SOS2: variants seen among roughly 807,000 people sequenced by gnomAD.
SOS2 encodes the protein son of sevenless homolog 2.
A neutral mutation model predicts 148.2 loss-of-function variants in SOS2; 65 were observed. That is an observed-to-expected ratio of 0.44 (90% CI 0.36 to 0.54). The LOEUF is 0.54. Among genes scored for constraint, SOS2 ranks in the 20% least tolerant of loss-of-function variants. SOS2 has a pLI of 0.00. For synonymous variants in SOS2, 539 were observed against 537.1 expected (o/e 1.00, Z -0.05); for missense variants, 1,341 against 1,590.2 (o/e 0.84, Z 2.67).
At chr14:50,150,863 T>C (rs2139597766) in intron 13 of SOS2, among the ~76,000 whole-genome samples, 1 of 152,178 alleles carries the variant, frequency 6.6e-6, no homozygotes. Flanking sequence ...GCTAGGATTA[T>C]AGGTGCACAC....
At chr14:50,174,014 C>T (rs576089429) in intron 8 of SOS2, among the ~76,000 whole-genome samples, 2 of 152,140 alleles carry the variant, frequency 1.3e-5, no homozygotes, top group East Asian at 3.9e-4. Context: ...AAAATCCTTG[C>T]TACTAGGTCT....
chr14:50,200,808 G>A lies in SOS2; in HGVS notation c.345+145C>T, dbSNP rs6572648. ...TCATTTTGTATACATATTAATATAT[G>A]CGATGTGTATGTACAAGCATACATA... On this transcript the variant is annotated intron_variant, in intron 3 of 22. Coordinates refer to ENST00000216373, the MANE Select transcript of SOS2 (RefSeq NM_006939.4). 534,851 of 610,406 alleles carry A rather than the reference G, an allele frequency of 0.88. 234,919 individuals carry two copies. The highest frequency in any genetic ancestry group is 0.92 in the East Asian group (32,423 of 35,242). 37.8% of individuals were successfully genotyped at this position (610,406 alleles called of 1,614,324 possible).
At position 50,188,575 on chromosome 14, in the gene SOS2, C is replaced by G; in HGVS notation, c.636G>C (p.Gln212His). The change falls in exon 5 of 23, where the codon CAG (glutamine) becomes CAC (histidine). Residue 212 changes from glutamine to histidine, a missense_variant. By Grantham distance (24) the Gln-to-His change is conservative (BLOSUM62 0). Transcript: ENST00000216373. ...TGATCATATTTAATTCCCGTAGATA[C>G]TGTCTTTCTTCTGCGATTTCAGTTC... ...LVRTEIAEER[Q>H]YLRELNMIIK... The G allele has an allele frequency of 6.2e-7, 1 of 1,607,562 alleles. No individual in the cohort carries two copies. The highest frequency in any genetic ancestry group is 1.1e-5 in the South Asian group (1 of 89,990).
intron 19 of SOS2, among the ~76,000 whole-genome samples, chr14:50,131,866 A>G (rs1594959608): frequency 6.6e-6 from 1 of 152,168 alleles, no homozygotes; most frequent in African/African-American, 2.4e-5. Context: ...TGAGGAAAAA[A>G]TCTCATTCCT....
In SOS2 at chr14:50,125,866, T is replaced by C. The variant is rs142264992; in HGVS notation, c.3379+4095A>G. ...AATCTAAACCCCAGACTTGGGATAC[T>C]AGTCTGAGCTGAAAACACAGATATC... On this transcript the variant is annotated intron_variant, in intron 21 of 22. Coordinates refer to ENST00000216373, the MANE Select transcript of SOS2 (RefSeq NM_006939.4). 1.5e-4 allele frequency among the ~76,000 whole-genome samples: 23 copies of C among 152,336 alleles called. No individual in the cohort carries two copies. In the East Asian group the frequency reaches 4.2e-3, roughly 28 times the overall value.
intron 16 of SOS2, among the ~76,000 whole-genome samples, chr14:50,141,203 CAAAAAAAAAA>C (rs71118844): frequency 2.6e-4 from 8 of 30,586 alleles, no homozygotes; most frequent in Admixed American, 6.3e-4. Context: ...GACTCTGTCT[CAAAAAAAAAA>C]AAAAAAAAAA....
At chr14:50,137,167 TATC>T (rs899549387) in intron 18 of SOS2, among the ~76,000 whole-genome samples, 1 of 152,192 alleles carries the variant, frequency 6.6e-6, no homozygotes, top group Non-Finnish European at 1.5e-5. Flanking sequence ...ATAAACATAA[TATC>T]ATAGTTTAAT....
At chr14:50,147,761 G>A (rs757910801) in intron 14 of SOS2, among the ~76,000 whole-genome samples, 2 of 151,806 alleles carry the variant, frequency 1.3e-5, no homozygotes, top group Non-Finnish European at 2.9e-5. Context: ...TTGAATGCCT[G>A]AGTATTTAAT....
At chr14:50,129,809 T>G in intron 21 of SOS2, 152 bp downstream of exon 21, 1 of 540,548 alleles carries the variant, frequency 1.8e-6, no homozygotes. Flanking sequence ...ATAGTGAAGC[T>G]TAAGTAGTAC....
At chr14:50,223,906 A>G (rs1379816196) in intron 1 of SOS2, among the ~76,000 whole-genome samples, 1 of 152,024 alleles carries the variant, frequency 6.6e-6, no homozygotes, top group Non-Finnish European at 1.5e-5. Flanking sequence ...CAGAAATGTA[A>G]ATTTGGTAAT....
At chr14:50,228,105 G>A (rs927766737) in intron 1 of SOS2, among the ~76,000 whole-genome samples, 2 of 146,670 alleles carry the variant, frequency 1.4e-5, no homozygotes, top group African/African-American at 5.1e-5. Flanking sequence ...GCAGTGGTGT[G>A]ATCTCGGCTC....
chr14:50,134,704 T>C (rs1884015516), intron 18 of SOS2, among the ~76,000 whole-genome samples: 1 of 152,228 alleles, frequency 6.6e-6, no homozygotes, highest in Non-Finnish European at 1.5e-5. Flanking sequence ...TAGATCATTC[T>C]TGATCATTTA....
At chr14:50,164,378 T>C (rs1885107421) in intron 8 of SOS2, among the ~76,000 whole-genome samples, 1 of 151,860 alleles carries the variant, frequency 6.6e-6, no homozygotes, top group African/African-American at 2.4e-5. Context: ...AGGTAGAGAA[T>C]ACAGTGAGCT....
At chr14:50,151,476 G>A (rs573199322) in intron 13 of SOS2, among the ~76,000 whole-genome samples, 1 of 152,044 alleles carries the variant, frequency 6.6e-6, no homozygotes, top group Non-Finnish European at 1.5e-5. Context: ...TAATTCCCTA[G>A]GTTTATTATT....
chr14:50,197,965 C>T (rs1048790115), intron 4 of SOS2, among the ~76,000 whole-genome samples: 7 of 149,774 alleles, frequency 4.7e-5, no homozygotes, highest in Admixed American at 2.0e-4. Flanking sequence ...GCTGGGATTA[C>T]GGGCGTGATC....
intron 21 of SOS2, among the ~76,000 whole-genome samples, chr14:50,125,894 T>C (rs1883665191): frequency 2.0e-5 from 3 of 152,210 alleles, no homozygotes; most frequent in Admixed American, 2.0e-4. Flanking sequence ...CAGATATCCA[T>C]ACTACATGGC....
intron 13 of SOS2, 108 bp from the exon 14 acceptor site, chr14:50,150,338 G>A (rs1884621074): frequency 1.3e-6 from 1 of 749,210 alleles, no homozygotes; most frequent in Non-Finnish European, 2.3e-6. Context: ...CCAACTCATG[G>A]CCAATTTTTA....
chr14:50,124,820 G>T (rs998548447), intron 21 of SOS2, among the ~76,000 whole-genome samples: 1 of 151,994 alleles, frequency 6.6e-6, no homozygotes, highest in Non-Finnish European at 1.5e-5. Flanking sequence ...TTTCATCTGA[G>T]TACTTTTCAT....
At position 50,124,050 on chromosome 14, in the gene SOS2, T is replaced by G. The variant is rs73289765; in HGVS notation, c.3380-3666A>C. On this transcript the variant is annotated intron_variant, in intron 21 of 22. Transcript: ENST00000216373. ...AGAGGAACAACTTTGGAGGGGATAATAAGAAGCTCAGTTTCAGACAGGTAA... is the reference window on the plus strand; with the variant it reads ...AGAGGAACAACTTTGGAGGGGATAAGAAGAAGCTCAGTTTCAGACAGGTAA... Among the ~76,000 whole-genome samples, 1,474 of 152,236 alleles carry G rather than the reference T, an allele frequency of 9.7e-3. 18 individuals carry two copies. Among genetic ancestry groups the G allele is most frequent in the African/African-American group, 0.032 (1,332 of 41,534 alleles).
Sources: allele counts gnomAD v4.1 joint callset (sites outside exome capture counted in the v4.1 genomes callset), GRCh38; gene constraint gnomAD v4.1.1; transcripts MANE v1.5; gene names NCBI Gene and HGNC (gene_info 2026-07-23, HGNC 2026-07-21).